The following NUP88 variants were observed in gnomAD, a reference collection of about 807,000 sequenced individuals.
NUP88 encodes the protein nuclear pore complex protein Nup88.
A neutral mutation model predicts 93.9 loss-of-function variants in NUP88; 57 were observed. The observed-to-expected ratio is 0.61, with a 90% confidence interval of 0.49 to 0.76. The LOEUF (loss-of-function observed/expected upper bound fraction) is 0.76. Among genes scored for constraint, NUP88 ranks in the 30% least tolerant of loss-of-function variants. NUP88 has a pLI of 0.00. For synonymous variants in NUP88, 346 were observed against 336.8 expected (o/e 1.03, Z -0.30); for missense variants, 911 against 901.0 (o/e 1.01, Z -0.14).
chr17:5,402,673 C>T (rs185003653), intron 7 of NUP88, among the ~76,000 whole-genome samples: 190 of 152,246 alleles, frequency 1.2e-3, no homozygotes, highest in African/African-American at 4.1e-3. Flanking sequence ...TGAAATCCTC[C>T]TATGTTGCAG....
At chr17:5,399,486 C>A in intron 8 of NUP88, 66 bp downstream of exon 8, 1 of 822,302 alleles carries the variant, frequency 1.2e-6, no homozygotes, top group South Asian at 1.6e-5. Context: ...AACTACTTTT[C>A]TGAAATCTAT....
rs1476111137 is a variant in NUP88, at chr17:5,385,342, C to T, written c.*864G>A. 4.3e-6 allele frequency: 1 copy of T among 230,718 alleles called. No homozygotes were observed. Among genetic ancestry groups the T allele is most frequent in the African/African-American group, 2.2e-5 (1 of 45,212 alleles). The allele number at this position is 230,718 out of a possible 1,614,324, so 14.3% of individuals were successfully genotyped here. A position where few individuals can be genotyped will look rare whatever the true frequency, so the allele number is the denominator to read the frequency against. On this transcript the variant is annotated 3_prime_UTR_variant, in exon 17 of 17. Transcript: ENST00000573584. ...AGCTCAGTTGGGTTTCACGAGTGTT[C>T]CTGTGCTTATATTCAGTCTGTGCCT...
intron 16 of NUP88, 168 bp downstream of exon 16, chr17:5,386,539 TC>T: frequency 1.6e-6 from 1 of 638,934 alleles, no homozygotes; most frequent in Non-Finnish European, 2.7e-6. Context: ...CTTTCAATCC[TC>T]CCACCATAGT....
intron 9 of NUP88, among the ~76,000 whole-genome samples, chr17:5,392,184 G>T (rs1254038785): frequency 2.0e-5 from 3 of 152,122 alleles, no homozygotes; most frequent in Non-Finnish European, 4.4e-5. Context: ...TCTCCTAGCG[G>T]CTCCCATGCC....
At chr17:5,408,305 A>T (rs1007392848) in intron 5 of NUP88, among the ~76,000 whole-genome samples, 3 of 152,016 alleles carry the variant, frequency 2.0e-5, no homozygotes, top group East Asian at 1.9e-4. Context: ...AGTCAGAATG[A>T]TCTCTCCTTC....
intron 10 of NUP88, 51 bp downstream of exon 10, chr17:5,391,510 G>A (rs1299269945): frequency 6.9e-7 from 1 of 1,453,892 alleles, no homozygotes; most frequent in Non-Finnish European, 9.7e-7. Flanking sequence ...TCCCAACTTA[G>A]ATATTGCAGA....
intron 10 of NUP88, among the ~76,000 whole-genome samples, chr17:5,390,288 A>G (rs945146731): frequency 4.6e-5 from 7 of 152,232 alleles, no homozygotes; most frequent in African/African-American, 1.7e-4. Flanking sequence ...GGGTGTTTAA[A>G]AAGTATGCTG....
chr17:5,393,627 G>A (rs1482319610), intron 9 of NUP88, among the ~76,000 whole-genome samples: 1 of 151,372 alleles, frequency 6.6e-6, no homozygotes, highest in Non-Finnish European at 1.5e-5. Flanking sequence ...TAGCAGAGAT[G>A]GGGTTTCACC....
At chr17:5,393,964 T>C (rs1182053925) in intron 9 of NUP88, among the ~76,000 whole-genome samples, 1 of 152,168 alleles carries the variant, frequency 6.6e-6, no homozygotes, top group Non-Finnish European at 1.5e-5. Flanking sequence ...AGGTTTCTAC[T>C]GGGGATAACT....
At position 5,391,672 on chromosome 17, in the gene NUP88, C is replaced by A. The variant is rs751589280; in HGVS notation, c.1383-10G>T. On this transcript the variant is annotated splice_polypyrimidine_tract_variant and intron_variant, in intron 9 of 16. Coordinates refer to ENST00000573584, the MANE Select transcript of NUP88 (RefSeq NM_002532.6). Reference sequence around the variant, plus strand: ...AATTGGAGCTGGCTGCCTGGAAAAACACAGTCATAGTTAAATTACAAAGCA... The same window carrying A: ...AATTGGAGCTGGCTGCCTGGAAAAAAACAGTCATAGTTAAATTACAAAGCA... 2 of 1,600,718 alleles carry A rather than the reference C, an allele frequency of 1.2e-6. No individual in the cohort carries two copies. The highest frequency in any genetic ancestry group is 1.7e-6 in the Non-Finnish European group (2 of 1,173,524).
intron 8 of NUP88, among the ~76,000 whole-genome samples, chr17:5,397,761 G>A (rs1469418156): frequency 4.6e-5 from 7 of 152,166 alleles, no homozygotes; most frequent in Non-Finnish European, 2.9e-5. Flanking sequence ...CAAGTTTTTT[G>A]TAGATGAAAA....
intron 7 of NUP88, 42 bp from the exon 8 acceptor site, chr17:5,399,692 T>C (rs770715738): frequency 1.8e-6 from 2 of 1,110,756 alleles, no homozygotes; most frequent in South Asian, 1.5e-5. Context: ...AGCCAGTGGA[T>C]AACTAAAAAA....
intron 3 of NUP88, among the ~76,000 whole-genome samples, chr17:5,411,295 G>A (rs1269277447): frequency 6.6e-6 from 1 of 152,148 alleles, no homozygotes; most frequent in African/African-American, 2.4e-5. Flanking sequence ...CAAGCACGGT[G>A]GCTCACACCT....
chr17:5,403,624 G>A (rs534142293), intron 7 of NUP88, among the ~76,000 whole-genome samples: 12 of 151,942 alleles, frequency 7.9e-5, no homozygotes, highest in African/African-American at 2.4e-4. Flanking sequence ...TGCGCCATTA[G>A]ACTCCAGCCT....
chr17:5,399,869 T>G (rs1471453972), intron 7 of NUP88, among the ~76,000 whole-genome samples: 1 of 152,152 alleles, frequency 6.6e-6, no homozygotes, highest in Admixed American at 6.6e-5. Context: ...TACTGTGGGT[T>G]TGGTTCCAGA....
intron 6 of NUP88, among the ~76,000 whole-genome samples, 164 bp from the exon 7 acceptor site, chr17:5,404,410 C>T (rs751080606): frequency 5.9e-5 from 9 of 152,046 alleles, no homozygotes; most frequent in African/African-American, 9.7e-5. Context: ...GTCAGGAGTT[C>T]GAGACCAGCC....
chr17:5,394,772 G>C, intron 9 of NUP88, 119 bp downstream of exon 9: 2 of 706,020 alleles, frequency 2.8e-6, no homozygotes, highest in South Asian at 3.4e-5. Flanking sequence ...TATCACGTCT[G>C]CAACTTTCAA....
chr17:5,401,506 C>G (rs1394804224), intron 7 of NUP88, among the ~76,000 whole-genome samples: 5 of 152,156 alleles, frequency 3.3e-5, no homozygotes, highest in African/African-American at 1.2e-4. Context: ...TTCCTTTAAT[C>G]TAACAGTCTC....
Position 5,394,986 on chromosome 17 carries a change from C to A in NUP88, c.1292-5G>T. ...AACTATCCTTATCTTCTTCATCTAC[C>A]ATGGAAGACATTACATAAATGAAAT... On this transcript the variant is annotated splice_region_variant and splice_polypyrimidine_tract_variant and intron_variant, in intron 8 of 16. Coordinates refer to ENST00000573584, the MANE Select transcript of NUP88 (RefSeq NM_002532.6). 6.6e-7 allele frequency: 1 copy of A among 1,526,268 alleles called. No homozygotes were observed. The highest frequency in any genetic ancestry group is 9.1e-7 in the Non-Finnish European group (1 of 1,100,066). The allele number at this position is 1,526,268 out of a possible 1,614,324, so 94.5% of individuals were successfully genotyped here. A position where few individuals can be genotyped will look rare whatever the true frequency, so the allele number is the denominator to read the frequency against.
Sources: gnomAD v4.1 joint callset for allele counts (sites outside exome capture counted in the v4.1 genomes callset) on GRCh38, gnomAD v4.1.1 for gene constraint, MANE v1.5 for transcripts, NCBI Gene and HGNC (gene_info 2026-07-23, HGNC 2026-07-21) for gene names.